The following FAM78B variants were observed in gnomAD, a reference collection of about 807,000 sequenced individuals.
FAM78B encodes the protein family with sequence similarity 78 member B, also known as protein FAM78B.
FAM78B carries 10 observed loss-of-function variants against 20.0 expected under a neutral mutation model. The ratio of observed to expected loss-of-function variants is 0.50; its 90% CI spans 0.31 to 0.85. The LOEUF (loss-of-function observed/expected upper bound fraction) is 0.85. FAM78B is among the 40% of genes least tolerant of loss of function. The pLI is 0.05. For missense variants in FAM78B, 283 were observed against 345.0 expected (o/e 0.82, Z 1.42); for synonymous variants, 135 against 132.8 (o/e 1.02, Z -0.12).
chr1:166,155,526 C>T (rs1011540704), intron 1 of FAM78B, among the ~76,000 whole-genome samples: 1 of 152,088 alleles, frequency 6.6e-6, no homozygotes. Context: ...ACATAGCTGC[C>T]CATCACTCAG....
chr1:166,130,004 C>T (rs1259358378), intron 1 of FAM78B, among the ~76,000 whole-genome samples: 2 of 152,266 alleles, frequency 1.3e-5, no homozygotes, highest in African/African-American at 4.8e-5. Context: ...ACTGCTCCCT[C>T]TGATTCAAGC....
intron 1 of FAM78B, among the ~76,000 whole-genome samples, chr1:166,130,235 C>G (rs547075396): frequency 6.6e-6 from 1 of 152,346 alleles, no homozygotes; most frequent in Admixed American, 6.5e-5. Context: ...TAGAAAAGGA[C>G]AAACTTACCT....
chr1:166,166,431 G>T lies in FAM78B; in HGVS notation c.-183C>A, dbSNP rs564997059. 0.012 allele frequency: 4,265 copies of T among 355,496 alleles called. 43 individuals carry two copies. The highest frequency in any genetic ancestry group is 0.016 in the Non-Finnish European group (3,882 of 250,190). The allele number at this position is 355,496 out of a possible 1,614,324, so 22.0% of individuals were successfully genotyped here. A position where few individuals can be genotyped will look rare whatever the true frequency, so the allele number is the denominator to read the frequency against. The stretch of plus-strand genomic sequence containing the variant: ...AAGCCCCCTCCTCTTGCAGCCGCGC[G>T]GGGTCCCCGCTGCCCCGACGTCCGC... On this transcript the variant is annotated 5_prime_UTR_variant, in exon 1 of 2. Transcript: ENST00000354422.
chr1:166,164,027 T>C (rs748027125), intron 1 of FAM78B, among the ~76,000 whole-genome samples: 4 of 152,256 alleles, frequency 2.6e-5, no homozygotes, highest in Non-Finnish European at 5.9e-5. Flanking sequence ...ACCTTCCCTA[T>C]AGATTCCAGG....
At position 166,144,326 on chromosome 1, in the gene FAM78B, T is replaced by C. The variant is rs1258078290; in HGVS notation, c.263+21660A>G. On this transcript the variant is annotated intron_variant, in intron 1 of 1. Transcript: ENST00000354422. The stretch of plus-strand genomic sequence containing the variant: ...GGTCTAGAAATGGGCCCGATTTTCC[T>C]TATGAATGATCTTGATGTGGGTGTC... Among the ~76,000 whole-genome samples the C allele has an allele frequency of 6.6e-5, 10 of 152,164 alleles. No individual in the cohort carries two copies. In the East Asian group the frequency reaches 1.9e-3, roughly 29 times the overall value.
chr1:166,154,273 C>T (rs550925676), intron 1 of FAM78B, among the ~76,000 whole-genome samples: 3 of 152,300 alleles, frequency 2.0e-5, no homozygotes, highest in African/African-American at 7.2e-5. Context: ...AGCACCAGGG[C>T]TAGGGTAAGG....
At chr1:166,143,978 T>A (rs1655368364) in intron 1 of FAM78B, among the ~76,000 whole-genome samples, 1 of 152,034 alleles carries the variant, frequency 6.6e-6, no homozygotes, top group African/African-American at 2.4e-5. Context: ...GACAGATAGA[T>A]GAGATACAAA....
chr1:166,149,896 G>A (rs1193433376), intron 1 of FAM78B, among the ~76,000 whole-genome samples: 1 of 152,062 alleles, frequency 6.6e-6, no homozygotes, highest in African/African-American at 2.4e-5. Context: ...TTTGCCTCTT[G>A]GTCTCCTCTC....
At chr1:166,131,692 T>A (rs1419992052) in intron 1 of FAM78B, among the ~76,000 whole-genome samples, 1 of 152,186 alleles carries the variant, frequency 6.6e-6, no homozygotes, top group Admixed American at 6.5e-5. Context: ...CAAAGTTCCA[T>A]GTCATTGGGG....
chr1:166,157,583 G>A (rs1244361598), intron 1 of FAM78B, among the ~76,000 whole-genome samples: 1 of 152,152 alleles, frequency 6.6e-6, no homozygotes, highest in African/African-American at 2.4e-5. Flanking sequence ...AAGGAACAGT[G>A]CAGGAATTCT....
chr1:166,069,241 G>A (rs1291064526), downstream of FAM78B, among the ~76,000 whole-genome samples: 1 of 152,088 alleles, frequency 6.6e-6, no homozygotes, highest in East Asian at 1.9e-4. Flanking sequence ...GTGTGTGTGT[G>A]TCTATGCATA....
At chr1:166,083,518 T>G (rs1220289713) in intron 1 of FAM78B, among the ~76,000 whole-genome samples, 1 of 152,208 alleles carries the variant, frequency 6.6e-6, no homozygotes, top group Non-Finnish European at 1.5e-5. Context: ...TTTTTCCTTT[T>G]TTTTGAAATG....
At chr1:166,077,961 TATATATATAATAA>T (rs1392309469) in intron 1 of FAM78B, among the ~76,000 whole-genome samples, 702 of 2,622 alleles carry the variant, frequency 0.27, 46 homozygotes, top group Non-Finnish European at 0.34. Flanking sequence ...TATATATAAT[TATATATATAATAA>T]ATATATATAA....
chr1:166,165,839 G>A (rs1656349906), intron 1 of FAM78B, 147 bp downstream of exon 1: 1 of 875,976 alleles, frequency 1.1e-6, no homozygotes, highest in Non-Finnish European at 1.7e-6. Context: ...AAAAGCGTAG[G>A]GAGGAGGGAG....
At chr1:166,060,530 T>C in exon 3 of FAM78B, 2 of 1,095,702 alleles carry the variant, frequency 1.8e-6, no homozygotes, top group Non-Finnish European at 2.5e-6. Context: ...GTAGGCAGGA[T>C]GGCACACATT....
chr1:166,139,495 A>T (rs182342633), intron 1 of FAM78B, among the ~76,000 whole-genome samples: 1 of 152,278 alleles, frequency 6.6e-6, no homozygotes, highest in East Asian at 1.9e-4. Context: ...ACAATAATTA[A>T]AATTCTATAA....
intron 1 of FAM78B, among the ~76,000 whole-genome samples, chr1:166,106,349 T>TA (rs200794576): frequency 0.18 from 24,738 of 139,658 alleles, 2,183 homozygotes; most frequent in East Asian, 0.29. Context: ...AAAACTTAAA[T>TA]AAAAAAAAAA....
intron 1 of FAM78B, 21 bp downstream of exon 1, chr1:166,165,965 G>A (rs757717585): frequency 1.2e-6 from 2 of 1,613,394 alleles, no homozygotes; most frequent in East Asian, 2.2e-5. Flanking sequence ...CCGCTCCCGT[G>A]CCGCGCGGCG....
intron 1 of FAM78B, among the ~76,000 whole-genome samples, chr1:166,106,138 C>G (rs1481613319): frequency 7.0e-6 from 1 of 142,502 alleles, no homozygotes; most frequent in East Asian, 2.1e-4. Flanking sequence ...TTCTCACTCA[C>G]AGGTGGGAAT....
Sources: allele counts gnomAD v4.1 joint callset (sites outside exome capture counted in the v4.1 genomes callset), GRCh38; gene constraint gnomAD v4.1.1; transcripts MANE v1.5; gene names NCBI Gene and HGNC (gene_info 2026-07-23, HGNC 2026-07-21).